The following MAN2B1 variants were observed in gnomAD, a reference collection of about 807,000 sequenced individuals.
MAN2B1 encodes mannosidase alpha class 2B member 1.
In MAN2B1, 99 loss-of-function variants were observed where a neutral mutation model predicts 127.5. The ratio of observed to expected loss-of-function variants is 0.78; its 90% CI spans 0.66 to 0.92. The LOEUF (loss-of-function observed/expected upper bound fraction) is 0.92. Ranked by LOEUF, MAN2B1 falls within the 40% of genes least tolerant of loss-of-function variation. The probability of loss-of-function intolerance (pLI) is 0.00; values close to 1 mark genes in which losing one functional copy is unlikely to be tolerated. For missense variants in MAN2B1, 1,304 were observed against 1,384.8 expected (o/e 0.94, Z 0.93); for synonymous variants, 573 against 568.8 (o/e 1.01, Z -0.11).
At chr19:12,656,728 G>A (rs768292256) in intron 12 of MAN2B1, 41 bp from the exon 13 acceptor site, 1 of 1,444,932 alleles carries the variant, frequency 6.9e-7, no homozygotes, top group East Asian at 2.3e-5. Flanking sequence ...GTCACAGCAG[G>A]CCTTCTCCAA....
In MAN2B1 at chr19:12,647,291, C is replaced by T. The variant is rs148108322; in HGVS notation, c.2865G>A (p.Thr955=). The change falls in exon 23 of 24, where the codon ACG becomes ACA. Residue 955 remains threonine, a synonymous_variant. Transcript: ENST00000456935. This position sits in a 1 kb window ranked among gnomAD's most constrained non-coding sequence, Gnocchi z 4.9. ...CCTCGCGGAGCTGGTTGGCCACCAG[C>T]GTGGTCTCCTGCAGGCGGGTGATGG... ...TFTITRLQET[T]LVANQLREAA... is the part of the protein sequence containing the mutation. The T allele has an allele frequency of 1.1e-5, 18 of 1,614,020 alleles. No individual in the cohort carries two copies. Among genetic ancestry groups the T allele is most frequent in the Admixed American group, 1.7e-5 (1 of 59,982 alleles).
Position 12,663,854 on chromosome 19 carries a change from A to G in MAN2B1, c.631-19T>C, listed in dbSNP as rs1335847495. ...AGCCCATCTGGGGATGAGGGAGGAA[A>G]AGGCAGTGTGAATTAGTGCCCAGCC... On this transcript the variant is annotated intron_variant, in intron 4 of 23. Transcript: ENST00000456935. The G allele has an allele frequency of 2.2e-5, 35 of 1,613,942 alleles. No homozygotes were observed. The highest frequency in any genetic ancestry group is 2.9e-5 in the Non-Finnish European group (34 of 1,180,028).
chr19:12,664,853 CG>C lies in MAN2B1; in HGVS notation c.568del (p.Arg190ValfsTer56). The stretch of plus-strand genomic sequence containing the variant: ...GAAGGGGTCAATGTGCCAGGCCACA[CG>C]GGGTCGCCCATCATTGCCAAATGTG... Reference protein sequence around the residue: ...EDTFGNDGRPRVAWHIDPFGH... With the variant: ...EDTFGNDGRPXVAWHIDPFGH... On this transcript the variant is annotated frameshift_variant, in exon 4 of 24. Transcript: ENST00000456935. LOFTEE classifies it high-confidence loss of function. The C allele has an allele frequency of 6.2e-7, 1 of 1,613,950 alleles. No homozygotes were observed. The highest frequency in any genetic ancestry group is 8.5e-7 in the Non-Finnish European group (1 of 1,179,956).
chr19:12,661,994 G>A (rs1045156135), intron 6 of MAN2B1, among the ~76,000 whole-genome samples: 2 of 151,966 alleles, frequency 1.3e-5, no homozygotes, highest in South Asian at 4.1e-4. Flanking sequence ...ACAGGCGTGC[G>A]CCACCACACC....
At chr19:12,661,163 G>T in intron 7 of MAN2B1, 97 bp downstream of exon 7, 1 of 851,518 alleles carries the variant, frequency 1.2e-6, no homozygotes. Flanking sequence ...TAGAACAATA[G>T]AAAACAAAGA....
chr19:12,658,409 C>T lies in MAN2B1; in HGVS notation c.1109+19G>A. The T allele has an allele frequency of 6.2e-7, 1 of 1,614,220 alleles. No individual in the cohort carries two copies. Among genetic ancestry groups the T allele is most frequent in the Non-Finnish European group, 8.5e-7 (1 of 1,180,048 alleles). On this transcript the variant is annotated intron_variant, in intron 8 of 23. Coordinates refer to ENST00000456935, the MANE Select transcript of MAN2B1 (RefSeq NM_000528.4). ...CGGGGCATGCCAACCCCCCCAAGCT[C>T]CCCAGTTTCCCCAAATACCAGGTGA...
chr19:12,652,150 G>C lies in MAN2B1; in HGVS notation c.2046+3C>G. On this transcript the variant is annotated splice_donor_region_variant and intron_variant, in intron 16 of 23. Transcript: ENST00000456935. ...TGCCCACTCATCATTCCTAGTCCCT[G>C]ACCTTCACCAGGTGGATCTGAGCCC... 1 of 1,611,626 alleles carries C rather than the reference G, an allele frequency of 6.2e-7. No individual in the cohort carries two copies. The highest frequency in any genetic ancestry group is 8.5e-7 in the Non-Finnish European group (1 of 1,177,766).
chr19:12,646,686 G>T lies in MAN2B1; in HGVS notation c.2970C>A (p.Ile990=), dbSNP rs777484621. 1.9e-6 allele frequency: 3 copies of T among 1,614,036 alleles called. No homozygotes were observed. The highest frequency in any genetic ancestry group is 2.5e-6 in the Non-Finnish European group (3 of 1,180,016). Residue 990 remains isoleucine (I), a synonymous_variant, in exon 24 of 24, where the codon ATC becomes ATA. Coordinates refer to ENST00000456935, the MANE Select transcript of MAN2B1 (RefSeq NM_000528.4). The part of the protein sequence containing the change: ...QTPYQLDPAN[I]TLEPMEIRTF... The stretch of plus-strand genomic sequence containing the variant: ...TGCGGATTTCCATGGGTTCCAGCGT[G>T]ATGTTGGCCGGGTCCAGCTGGTACG...
chr19:12,650,323 AT>A, intron 16 of MAN2B1, 101 bp from the exon 17 acceptor site: 1 of 774,200 alleles, frequency 1.3e-6, no homozygotes, highest in African/African-American at 1.7e-5. Context: ...TAAGGCCTAC[AT>A]CAAGGTCAAC....
chr19:12,647,419 CCTT>C lies in MAN2B1; in HGVS notation c.2820+21_2820+23del. The C allele has an allele frequency of 6.2e-7, 1 of 1,613,916 alleles. No homozygotes were observed. Among genetic ancestry groups the C allele is most frequent in the South Asian group, 1.1e-5 (1 of 91,080 alleles). On this transcript the variant is annotated intron_variant, in intron 22 of 23. Coordinates refer to ENST00000456935, the MANE Select transcript of MAN2B1 (RefSeq NM_000528.4). The surrounding 1 kb of genome is among the most constrained non-coding windows in gnomAD (Gnocchi z 4.9). Reference sequence around the variant, plus strand: ...CCTCTCTCTTGCCTCTCTCCGATCTCCTTCTCAATTTTGCCCTTCTCACCCTCA... The same window carrying C: ...CCTCTCTCTTGCCTCTCTCCGATCTCCTCAATTTTGCCCTTCTCACCCTCA...
At position 12,647,898 on chromosome 19, in the gene MAN2B1, G is replaced by A. The variant is rs1233179155; in HGVS notation, c.2664+277C>T. Among the ~76,000 whole-genome samples, 2 of 151,222 alleles carry A rather than the reference G, an allele frequency of 1.3e-5. No individual in the cohort carries two copies. The highest frequency in any genetic ancestry group is 3.0e-5 in the Non-Finnish European group (2 of 67,760). On this transcript the variant is annotated intron_variant, in intron 21 of 23. Transcript: ENST00000456935. This position sits in a 1 kb window ranked among gnomAD's most constrained non-coding sequence, Gnocchi z 4.9. ...GCTGGGTGAGGCAGGACAGAGCCTG[G>A]GGGCGGTGAGAGGGCGGGGCTAAAG...
intron 20 of MAN2B1, among the ~76,000 whole-genome samples, chr19:12,648,614 C>G (rs1414347112): frequency 2.0e-5 from 3 of 152,198 alleles, no homozygotes; most frequent in Non-Finnish European, 4.4e-5. Context: ...AAATGCCTAA[C>G]AGGGGGGCCT....
intron 1 of MAN2B1, among the ~76,000 whole-genome samples, chr19:12,666,243 TC>T (rs1266297943): frequency 6.6e-6 from 1 of 150,902 alleles, no homozygotes; most frequent in Non-Finnish European, 1.5e-5. Flanking sequence ...AGCCAGCACC[TC>T]CCCCCACACA....
In MAN2B1 at chr19:12,656,959, G is replaced by A. The variant is rs139255957; in HGVS notation, c.1517C>T (p.Thr506Met). Reference protein sequence around the residue: ...LNISICPLSQTAARFQVIVYN... With the variant: ...LNISICPLSQMAARFQVIVYN... Reference sequence around the variant, plus strand: ...CCCGTCCCGGCTCACGCGCGCCGCCGTCTGGCTGAGCGGGCAGATGCTGAT... The same window carrying A: ...CCCGTCCCGGCTCACGCGCGCCGCCATCTGGCTGAGCGGGCAGATGCTGAT... The change falls in exon 12 of 24, where the codon ACG (threonine) becomes ATG (methionine). Residue 506 changes from threonine (T) to methionine (M), a missense_variant. Coordinates refer to ENST00000456935, the MANE Select transcript of MAN2B1 (RefSeq NM_000528.4). 4 of 1,613,036 alleles carry A rather than the reference G, an allele frequency of 2.5e-6. No individual in the cohort carries two copies. The highest frequency in any genetic ancestry group is 3.3e-5 in the Admixed American group (2 of 59,990).
At chr19:12,657,118 C>T in intron 11 of MAN2B1, 62 bp from the exon 12 acceptor site, 1 of 991,926 alleles carries the variant, frequency 1.0e-6, no homozygotes, top group Non-Finnish European at 1.6e-6. Flanking sequence ...CTCCCCTCTC[C>T]TCAGGCCCCG....
intron 7 of MAN2B1, 153 bp from the exon 8 acceptor site, chr19:12,658,663 A>C: frequency 1.4e-6 from 1 of 738,234 alleles, no homozygotes; most frequent in Non-Finnish European, 2.3e-6. Context: ...TGTGAAAATG[A>C]ATTTTGGCTG....
intron 7 of MAN2B1, among the ~76,000 whole-genome samples, chr19:12,659,812 CT>C (rs35496970): frequency 0.41 from 62,319 of 151,488 alleles, 13,902 homozygotes; most frequent in African/African-American, 0.56. Flanking sequence ...AAGCAAGACT[CT>C]TGTCTCAATA....
rs1361762525 is a variant in MAN2B1, at chr19:12,648,198, G to T, written c.2641C>A (p.Leu881Ile). 5 of 1,547,892 alleles carry T rather than the reference G, an allele frequency of 3.2e-6. No individual in the cohort carries two copies. Among genetic ancestry groups the T allele is most frequent in the African/African-American group, 2.7e-5 (2 of 73,170 alleles). ...ACCTGCGTGCGCGGAGGAGCCCCGA[G>T]ATTGTAGGCGGCGCCGCCACCCGGG... Reference protein sequence around the residue: ...LAPGGGAAYNLGAPPRTQFSG... With the variant: ...LAPGGGAAYNIGAPPRTQFSG... Residue 881 changes from leucine (L) to isoleucine (I), a missense_variant, in exon 21 of 24, where the codon CTC (leucine) becomes ATC (isoleucine). Coordinates refer to ENST00000456935, the MANE Select transcript of MAN2B1 (RefSeq NM_000528.4).
intron 4 of MAN2B1, 75 bp from the exon 5 acceptor site, chr19:12,663,910 A>C: frequency 1.9e-6 from 3 of 1,593,304 alleles, no homozygotes; most frequent in Non-Finnish European, 2.6e-6. Context: ...TCTGCTTGGG[A>C]GGGGCAGGTC....
Sources: allele counts gnomAD v4.1 joint callset (sites outside exome capture counted in the v4.1 genomes callset), GRCh38; gene constraint gnomAD v4.1.1; non-coding constraint Gnocchi (gnomAD v3.1); transcripts MANE v1.5; gene names NCBI Gene and HGNC (gene_info 2026-07-23, HGNC 2026-07-21).